Variants in GREM2 observed in about 807,000 individuals in gnomAD.
GREM2 encodes the protein gremlin 2, DAN family BMP antagonist.
Under a neutral mutation model 14.2 loss-of-function variants are expected in GREM2, and 11 were observed. That is an observed-to-expected ratio of 0.78 (90% CI 0.49 to 1.28). The LOEUF (loss-of-function observed/expected upper bound fraction) is 1.28, where lower values mean the gene tolerates loss of function less well. GREM2 is among the 50% of genes most tolerant of loss of function. GREM2 has a pLI of 0.00. For missense variants in GREM2, 210 were observed against 218.5 expected (o/e 0.96, Z 0.24); for synonymous variants, 98 against 97.6 (o/e 1.00, Z -0.02).
At chr1:240,582,649 T>C (rs760639596) in intron 1 of GREM2, among the ~76,000 whole-genome samples, 1 of 151,728 alleles carries the variant, frequency 6.6e-6, no homozygotes, top group Non-Finnish European at 1.5e-5. Context: ...TACCAAAAAT[T>C]AGCTGTGCGT....
At chr1:240,609,038 A>G (rs1205327027) in intron 1 of GREM2, among the ~76,000 whole-genome samples, 1 of 152,228 alleles carries the variant, frequency 6.6e-6, no homozygotes, top group Non-Finnish European at 1.5e-5. Context: ...TAAAATATTC[A>G]GGATGTCTCA....
chr1:240,521,317 C>G (rs376881699), intron 1 of GREM2, among the ~76,000 whole-genome samples: 3 of 152,100 alleles, frequency 2.0e-5, no homozygotes, highest in South Asian at 2.1e-4. Context: ...GCCTGTAATC[C>G]CAGCACTTTA....
At chr1:240,532,619 C>T (rs1678385130) in intron 1 of GREM2, among the ~76,000 whole-genome samples, 1 of 151,242 alleles carries the variant, frequency 6.6e-6, no homozygotes, top group African/African-American at 2.4e-5. Flanking sequence ...ACTGGAATAA[C>T]CACTTTATAT....
intron 1 of GREM2, among the ~76,000 whole-genome samples, chr1:240,493,815 C>T (rs887377815): frequency 2.7e-4 from 41 of 152,300 alleles, no homozygotes; most frequent in African/African-American, 9.4e-4. Flanking sequence ...TAGGCGTGAG[C>T]CACCACGTCT....
intron 1 of GREM2, among the ~76,000 whole-genome samples, chr1:240,560,753 C>T (rs146237662): frequency 6.6e-6 from 1 of 152,148 alleles, no homozygotes; most frequent in African/African-American, 2.4e-5. Flanking sequence ...TAAAGCCCAG[C>T]CTTGTATTCA....
chr1:240,510,174 C>A (rs891558526), intron 1 of GREM2, among the ~76,000 whole-genome samples: 1 of 151,968 alleles, frequency 6.6e-6, no homozygotes, highest in Admixed American at 6.5e-5. Flanking sequence ...TTGGGACCAT[C>A]CTGGCTAACA....
chr1:240,568,544 T>C (rs1175209404), intron 1 of GREM2, among the ~76,000 whole-genome samples: 1 of 152,100 alleles, frequency 6.6e-6, no homozygotes, highest in Non-Finnish European at 1.5e-5. Flanking sequence ...TCTTTCTAGA[T>C]TGGATTAAAA....
At chr1:240,521,570 C>CAA (rs552539476) in intron 1 of GREM2, among the ~76,000 whole-genome samples, 1 of 146,522 alleles carries the variant, frequency 6.8e-6, no homozygotes. Context: ...GACTCCGTCT[C>CAA]AAAAAAAAAC....
rs1261199860 is a variant in GREM2 at position 240,606,677 on chromosome 1, C to CTTTT, written c.-2+5203_-2+5206dup. Among the ~76,000 whole-genome samples the CTTTT allele has an allele frequency of 3.8e-5, 5 of 131,356 alleles. No individual in the cohort carries two copies. The East Asian group carries it at 6.5e-4, about 17-fold the overall frequency. The allele number at this position is 131,356 out of a possible 152,430, so 86.2% of individuals were successfully genotyped here. Reference sequence around the variant, plus strand: ...TGGAAGAGTTAAGATTGAAACAGTTCTTTTTTTTTTTTTTTTTTGAGGTGG... The same window carrying CTTTT: ...TGGAAGAGTTAAGATTGAAACAGTTCTTTTTTTTTTTTTTTTTTTTTTGAGGTGG... On this transcript the variant is annotated intron_variant, in intron 1 of 1. Coordinates refer to ENST00000318160, the MANE Select transcript of GREM2 (RefSeq NM_022469.4).
rs1187811183 is a variant in GREM2, at chr1:240,492,109, A to T, written c.*860T>A. On this transcript the variant is annotated 3_prime_UTR_variant, in exon 2 of 2. Transcript: ENST00000318160. ...TCAAAACATGTGAAATAATACATGA[A>T]TAGGTCTATAATACTTTTTAACAGC... is the stretch of plus-strand genomic sequence containing the variant. 7.1e-6 allele frequency: 2 copies of T among 280,440 alleles called. No individual in the cohort carries two copies. Among genetic ancestry groups the T allele is most frequent in the Non-Finnish European group, 1.6e-5 (2 of 127,784 alleles). The allele number at this position is 280,440 out of a possible 1,614,324, so 17.4% of individuals were successfully genotyped here.
At chr1:240,607,063 A>T (rs1680040439) in intron 1 of GREM2, among the ~76,000 whole-genome samples, 1 of 152,340 alleles carries the variant, frequency 6.6e-6, no homozygotes, top group Non-Finnish European at 1.5e-5. Context: ...AATGAGGATA[A>T]TAACACTACT....
At chr1:240,517,756 TA>T (rs1186520512) in intron 1 of GREM2, among the ~76,000 whole-genome samples, 2 of 152,138 alleles carry the variant, frequency 1.3e-5, no homozygotes, top group East Asian at 3.9e-4. Context: ...TGGGGATAAA[TA>T]TATGAGTCTG....
Position 240,521,550 on chromosome 1 carries a change from G to A in GREM2, c.-1-28074C>T, listed in dbSNP as rs556300785. On this transcript the variant is annotated intron_variant, in intron 1 of 1. Transcript: ENST00000318160. ...GGCACCACTGCACTCCAGCCTGGGC[G>A]ACAGTGTGAGACTCCGTCTCAAAAA... 8.5e-5 allele frequency among the ~76,000 whole-genome samples: 13 copies of A among 152,110 alleles called. No homozygotes were observed. The East Asian group carries it at 2.5e-3, about 29-fold the overall frequency.
At chr1:240,600,016 C>T (rs1386086796) in intron 1 of GREM2, among the ~76,000 whole-genome samples, 1 of 152,136 alleles carries the variant, frequency 6.6e-6, no homozygotes, top group Non-Finnish European at 1.5e-5. Flanking sequence ...TACCTTGGAC[C>T]TTTGTGTAAT....
chr1:240,498,484 C>T (rs1265443578), intron 1 of GREM2, among the ~76,000 whole-genome samples: 1 of 152,166 alleles, frequency 6.6e-6, no homozygotes, highest in East Asian at 1.9e-4. Flanking sequence ...CTGTATCCTC[C>T]TACTTCAGAG....
intron 1 of GREM2, among the ~76,000 whole-genome samples, chr1:240,529,412 G>T (rs981139855): frequency 6.6e-6 from 1 of 151,744 alleles, no homozygotes; most frequent in South Asian, 2.1e-4. Flanking sequence ...ACAAAATCTC[G>T]GTCTTCCCAT....
intron 1 of GREM2, among the ~76,000 whole-genome samples, chr1:240,511,023 C>T (rs1015635312): frequency 3.3e-5 from 5 of 152,176 alleles, no homozygotes; most frequent in Admixed American, 6.5e-5. Context: ...TAATCTAACA[C>T]GTATATGTGT....
intron 1 of GREM2, among the ~76,000 whole-genome samples, chr1:240,598,321 G>A (rs1024883636): frequency 6.6e-6 from 1 of 152,152 alleles, no homozygotes; most frequent in African/African-American, 2.4e-5. Flanking sequence ...TCTTTTAAAT[G>A]TCTGAAGTTG....
At chr1:240,598,897 G>A (rs1370929363) in intron 1 of GREM2, among the ~76,000 whole-genome samples, 5 of 152,088 alleles carry the variant, frequency 3.3e-5, no homozygotes, top group Admixed American at 1.3e-4. Context: ...AAATACCACG[G>A]AGAAGAGTGG....
Sources: allele counts gnomAD v4.1 joint callset (sites outside exome capture counted in the v4.1 genomes callset), GRCh38; gene constraint gnomAD v4.1.1; transcripts MANE v1.5; gene names NCBI Gene and HGNC (gene_info 2026-07-23, HGNC 2026-07-21).